FOCAD: variants seen among roughly 807,000 people sequenced by gnomAD.
The protein encoded by FOCAD is focadhesin.
Under a neutral mutation model 225.6 loss-of-function variants are expected in FOCAD, and 198 were observed. The ratio of observed to expected loss-of-function variants is 0.88; its 90% CI spans 0.78 to 0.99. The LOEUF (loss-of-function observed/expected upper bound fraction) is 0.99. Among genes scored for constraint, FOCAD ranks in the 50% least tolerant of loss-of-function variants. The probability of loss-of-function intolerance (pLI) is 0.00; values close to 1 mark genes in which losing one functional copy is unlikely to be tolerated. For synonymous variants in FOCAD, 897 were observed against 755.0 expected, an observed-to-expected ratio of 1.19 and a Z score of -3.08; for missense variants, 2,713 against 2,123.6, an observed-to-expected ratio of 1.28 and a Z score of -5.46.
chr9:20,807,729 T>C (rs545475731), intron 11 of FOCAD, among the ~76,000 whole-genome samples: 1 of 152,158 alleles, frequency 6.6e-6, no homozygotes, highest in Non-Finnish European at 1.5e-5. Flanking sequence ...TGCTCACTTT[T>C]TCAATATAAA....
intron 15 of FOCAD, among the ~76,000 whole-genome samples, chr9:20,847,971 G>T (rs562795152): frequency 6.6e-6 from 1 of 152,108 alleles, no homozygotes; most frequent in African/African-American, 2.4e-5. Context: ...TTTAAAGTGT[G>T]ACTCAAGTAT....
chr9:20,695,444 A>C (rs1330337308), intron 1 of FOCAD, among the ~76,000 whole-genome samples: 2 of 152,076 alleles, frequency 1.3e-5, no homozygotes, highest in African/African-American at 4.8e-5. Flanking sequence ...ATTGGTAAAG[A>C]TTTTTCTTAA....
intron 5 of FOCAD, among the ~76,000 whole-genome samples, chr9:20,743,350 T>C (rs796763022): frequency 7.9e-5 from 12 of 152,358 alleles, no homozygotes; most frequent in African/African-American, 2.9e-4. Context: ...TATTAAGCAC[T>C]GTGCCAGTAT....
chr9:20,882,284 C>A (rs890559212), intron 20 of FOCAD, among the ~76,000 whole-genome samples: 4 of 152,176 alleles, frequency 2.6e-5, no homozygotes, highest in African/African-American at 9.7e-5. Context: ...ACTGTTTTCT[C>A]CCCACCTTGG....
chr9:20,695,647 A>T (rs1823310720), intron 1 of FOCAD, among the ~76,000 whole-genome samples: 1 of 152,228 alleles, frequency 6.6e-6, no homozygotes, highest in Admixed American at 6.5e-5. Context: ...GGAAGTAAGG[A>T]TTATCCACCC....
chr9:20,742,174 A>G (rs952463051), intron 5 of FOCAD, among the ~76,000 whole-genome samples: 3 of 152,218 alleles, frequency 2.0e-5, no homozygotes, highest in African/African-American at 7.2e-5. Context: ...ATTGGTGCCC[A>G]TTAGAACCAC....
In FOCAD at chr9:20,735,138, C is replaced by G. The variant is rs143436258; in HGVS notation, c.288-5098C>G. Among the ~76,000 whole-genome samples the G allele has an allele frequency of 9.7e-4, 147 of 152,234 alleles. 1 individual carries two copies. Among genetic ancestry groups the G allele is most frequent in the Non-Finnish European group, 1.8e-3 (121 of 68,012 alleles). ...TCTGTGATTTGTGTATCTCTATTCT[C>G]TGCTCAGTTTGCTATTTTATGATCT... is the stretch of plus-strand genomic sequence containing the variant. On this transcript the variant is annotated intron_variant, in intron 4 of 43. Coordinates refer to ENST00000338382, the MANE Select transcript of FOCAD (RefSeq NM_001375567.1).
At chr9:20,822,858 A>G (rs1824473022) in intron 14 of FOCAD, 131 bp from the exon 15 acceptor site, 1 of 679,246 alleles carries the variant, frequency 1.5e-6, no homozygotes. Flanking sequence ...CATGGTGTTA[A>G]TATTTGAGGG....
chr9:20,716,341 T>A (rs79700035), intron 2 of FOCAD, among the ~76,000 whole-genome samples: 5,262 of 151,724 alleles, frequency 0.035, 283 homozygotes, highest in African/African-American at 0.12. Context: ...GTGAAAAAAA[T>A]ATATATATAT....
chr9:20,688,003 T>G (rs181623847), intron 1 of FOCAD, among the ~76,000 whole-genome samples: 10 of 152,274 alleles, frequency 6.6e-5, no homozygotes, highest in African/African-American at 9.6e-5. Context: ...AAGAAAGCAG[T>G]GAGGACAAAT....
At chr9:20,769,588 C>T (rs972984075) in intron 7 of FOCAD, among the ~76,000 whole-genome samples, 2 of 152,324 alleles carry the variant, frequency 1.3e-5, no homozygotes, top group South Asian at 4.1e-4. Flanking sequence ...GCTGCCTGAG[C>T]AAGTATCTTG....
chr9:20,736,611 T>C (rs1191640770), intron 4 of FOCAD, among the ~76,000 whole-genome samples: 1 of 152,218 alleles, frequency 6.6e-6, no homozygotes, highest in East Asian at 1.9e-4. Context: ...TTAACTCTGA[T>C]GCCTGTGCTT....
chr9:20,715,654 AC>A (rs1825270986), intron 2 of FOCAD, among the ~76,000 whole-genome samples: 1 of 151,996 alleles, frequency 6.6e-6, no homozygotes, highest in Admixed American at 6.6e-5. Context: ...AGATAATAAA[AC>A]CTTGATTAAC....
Position 20,784,370 on chromosome 9 carries a change from A to G in FOCAD, c.1197+2441A>G, listed in dbSNP as rs138611935. On this transcript the variant is annotated intron_variant, in intron 10 of 43. Coordinates refer to ENST00000338382, the MANE Select transcript of FOCAD (RefSeq NM_001375567.1). ...CACTAGACCAGAGGGCAAAGGAGAA[A>G]TGTTGAAAAGGCACAGCTGTAGGAT... 2.4e-3 allele frequency among the ~76,000 whole-genome samples: 373 copies of G among 152,338 alleles called. 1 individual carries two copies. Among genetic ancestry groups the G allele is most frequent in the African/African-American group, 8.0e-3 (333 of 41,584 alleles).
intron 28 of FOCAD, among the ~76,000 whole-genome samples, chr9:20,937,644 A>G (rs1365426719): frequency 2.0e-5 from 3 of 152,212 alleles, no homozygotes; most frequent in Non-Finnish European, 2.9e-5. Flanking sequence ...AAACCTAGAC[A>G]ATACCATTCA....
rs201112211 is a variant in FOCAD at position 20,771,518 on chromosome 9, GGAGGCCGAGGCAGGCAGATTATGT to G, written c.906+1287_906+1310del. Among the ~76,000 whole-genome samples the G allele has an allele frequency of 1.7e-3, 261 of 152,246 alleles. 3 individuals carry two copies. In the East Asian group the frequency reaches 0.043, roughly 25 times the overall value. On this transcript the variant is annotated intron_variant, in intron 8 of 43. Transcript: ENST00000338382. ...TCTCACCTGTAATCCCAGCACTTTGGGAGGCCGAGGCAGGCAGATTATGTGAGGCCAGGAGTTCGAGAGCAGCCT... is the reference window on the plus strand; with the variant it reads ...TCTCACCTGTAATCCCAGCACTTTGGGAGGCCAGGAGTTCGAGAGCAGCCT...
At chr9:20,979,311 C>A (rs987113524) in intron 37 of FOCAD, among the ~76,000 whole-genome samples, 1 of 152,076 alleles carries the variant, frequency 6.6e-6, no homozygotes, top group African/African-American at 2.4e-5. Flanking sequence ...GTCTCTTGGC[C>A]TTTGTCCCTA....
intron 1 of FOCAD, among the ~76,000 whole-genome samples, chr9:20,690,959 T>C (rs1199017499): frequency 6.6e-6 from 1 of 152,060 alleles, no homozygotes; most frequent in Non-Finnish European, 1.5e-5. Flanking sequence ...ATTTTTATTT[T>C]TGAGACAGAG....
intron 35 of FOCAD, among the ~76,000 whole-genome samples, chr9:20,962,126 G>C (rs1294414600): frequency 6.6e-6 from 1 of 151,938 alleles, no homozygotes; most frequent in Non-Finnish European, 1.5e-5. Context: ...TTCTTTCCTT[G>C]GTGGGGGAAG....
Sources: allele counts gnomAD v4.1 joint callset (sites outside exome capture counted in the v4.1 genomes callset), GRCh38; gene constraint gnomAD v4.1.1; transcripts MANE v1.5; gene names NCBI Gene and HGNC (gene_info 2026-07-23, HGNC 2026-07-21).